The following RPS6KA2 variants were observed in gnomAD, a reference collection of about 807,000 sequenced individuals.
The protein encoded by RPS6KA2 is ribosomal protein S6 kinase A2, also known as ribosomal protein S6 kinase alpha-2.
Under a neutral mutation model 91.8 loss-of-function variants are expected in RPS6KA2, and 42 were observed. The observed-to-expected ratio is 0.46, with a 90% confidence interval of 0.36 to 0.59. The LOEUF is 0.59. RPS6KA2 is among the 20% of genes least tolerant of loss of function. The pLI, the probability that RPS6KA2 is intolerant of heterozygous loss-of-function variation, is 0.00. For synonymous variants in RPS6KA2, 414 were observed against 393.6 expected (o/e 1.05, Z -0.61); for missense variants, 798 against 978.5 (o/e 0.82, Z 2.46).
chr6:166,857,986 C>T, intron 2 of RPS6KA2: 2 of 539,890 alleles, frequency 3.7e-6, no homozygotes, highest in Non-Finnish European at 6.5e-6. Flanking sequence ...TATGCTCCAG[C>T]TATTCTTTTT....
intron 2 of RPS6KA2, among the ~76,000 whole-genome samples, chr6:166,721,234 C>T (rs553883688): frequency 3.3e-5 from 5 of 152,284 alleles, no homozygotes; most frequent in South Asian, 4.1e-4. Context: ...CGGGGGACAT[C>T]GGGGGTGCGA....
intron 2 of RPS6KA2, among the ~76,000 whole-genome samples, chr6:166,811,963 T>C (rs895189216): frequency 5.3e-5 from 8 of 152,254 alleles, no homozygotes; most frequent in African/African-American, 1.7e-4. Flanking sequence ...ATTACGAAGC[T>C]GAACAATAGT....
Position 166,662,188 on chromosome 6 carries a change from C to A in RPS6KA2, c.124-123404G>T, listed in dbSNP as rs1582997127. On this transcript the variant is annotated intron_variant, in intron 2 of 21. Coordinates refer to the RPS6KA2 transcript ENST00000503859. This position sits in a 1 kb window ranked among gnomAD's most constrained non-coding sequence, Gnocchi z 4.3. ...ATGTTATCAAATTATTCTTTTTAATCTTTGAAGATTATCGTAGGTGTTGAA... is the reference window on the plus strand; with the variant it reads ...ATGTTATCAAATTATTCTTTTTAATATTTGAAGATTATCGTAGGTGTTGAA... Among the ~76,000 whole-genome samples, 1 of 152,268 alleles carries A rather than the reference C, an allele frequency of 6.6e-6. No individual in the cohort carries two copies. The highest frequency in any genetic ancestry group is 1.9e-4 in the East Asian group (1 of 5,188).
rs1029542436 is a variant in RPS6KA2, at chr6:166,645,491, C to G, written c.124-106707G>C. Among the ~76,000 whole-genome samples, 12 of 152,324 alleles carry G rather than the reference C, an allele frequency of 7.9e-5. No individual in the cohort carries two copies. The South Asian group carries it at 1.5e-3, about 18-fold the overall frequency. On this transcript the variant is annotated intron_variant, in intron 2 of 21. Transcript: ENST00000503859. ...TGCCAGTCACAAACTCTCCACCTCC[C>G]CTCCTCTCTCTTCAACCTGCTCACC...
At chr6:166,768,302 A>G (rs926535767) in intron 2 of RPS6KA2, among the ~76,000 whole-genome samples, 19 of 152,330 alleles carry the variant, frequency 1.2e-4, no homozygotes, top group Middle Eastern at 3.4e-3. Flanking sequence ...ATTTTTTTAT[A>G]AAGGCAAATA....
chr6:166,650,165 A>G (rs1219963323), intron 2 of RPS6KA2, among the ~76,000 whole-genome samples: 5 of 148,538 alleles, frequency 3.4e-5, no homozygotes, highest in African/African-American at 4.9e-5. Flanking sequence ...AAAAAAAAAA[A>G]GCACAATTAA....
intron 1 of RPS6KA2, among the ~76,000 whole-genome samples, chr6:166,623,818 C>T (rs1477534162): frequency 1.3e-5 from 2 of 152,130 alleles, no homozygotes; most frequent in Middle Eastern, 3.2e-3. Flanking sequence ...ATTATAGTTG[C>T]CAGAGTCAAC....
intron 1 of RPS6KA2, among the ~76,000 whole-genome samples, chr6:166,861,733 G>A (rs1452716420): frequency 6.6e-6 from 1 of 152,142 alleles, no homozygotes; most frequent in Non-Finnish European, 1.5e-5. Context: ...CAAATGGAAG[G>A]CTTCTAATTT....
chr6:166,429,426 TAAAGTA>T (rs958085213), intron 16 of RPS6KA2, among the ~76,000 whole-genome samples: 4 of 151,960 alleles, frequency 2.6e-5, no homozygotes, highest in Admixed American at 1.3e-4. Context: ...ACCTAAAACT[TAAAGTA>T]TAATAATAAT....
At chr6:166,548,556 T>C (rs1218207812) in intron 1 of RPS6KA2, among the ~76,000 whole-genome samples, 1 of 152,232 alleles carries the variant, frequency 6.6e-6, no homozygotes, top group Non-Finnish European at 1.5e-5. Context: ...TACACCCAGC[T>C]GCTTTTGGAA....
chr6:166,828,119 A>T (rs773038156), intron 2 of RPS6KA2, among the ~76,000 whole-genome samples: 1 of 152,144 alleles, frequency 6.6e-6, no homozygotes, highest in Non-Finnish European at 1.5e-5. Flanking sequence ...CATGATGGAG[A>T]CAATTACACC....
chr6:166,642,756 TA>T (rs58161468), intron 2 of RPS6KA2, among the ~76,000 whole-genome samples: 1 of 151,778 alleles, frequency 6.6e-6, no homozygotes, highest in Non-Finnish European at 1.5e-5. Context: ...GCAGGATAAG[TA>T]AAAAAAATAC....
intron 1 of RPS6KA2, among the ~76,000 whole-genome samples, chr6:166,860,044 T>C (rs1781007856): frequency 6.6e-6 from 1 of 152,230 alleles, no homozygotes; most frequent in African/African-American, 2.4e-5. Flanking sequence ...ATGTGAGTTA[T>C]TTTAATACCA....
upstream of RPS6KA2, among the ~76,000 whole-genome samples, chr6:166,630,337 G>A (rs778719592): frequency 6.6e-6 from 1 of 152,236 alleles, no homozygotes; most frequent in African/African-American, 2.4e-5. Context: ...ATGTCTGTTC[G>A]TCTCCAAACA....
intron 2 of RPS6KA2, among the ~76,000 whole-genome samples, chr6:166,703,163 G>C (rs1478600833): frequency 1.3e-5 from 2 of 152,204 alleles, no homozygotes; most frequent in Admixed American, 6.5e-5. Context: ...AGGGGCAGTC[G>C]TGTTTATCAC....
chr6:166,426,491 C>CA (rs1183201137), intron 16 of RPS6KA2, among the ~76,000 whole-genome samples: 1 of 71,492 alleles, frequency 1.4e-5, no homozygotes, highest in Admixed American at 1.8e-4. Context: ...AAAAGCCCTT[C>CA]AAAAAATTAA....
At chr6:166,439,780 G>A (rs1048419707) in intron 14 of RPS6KA2, 2 of 152,256 alleles carry the variant, frequency 1.3e-5, no homozygotes, top group African/African-American at 2.4e-5. Flanking sequence ...ACAGAACTTA[G>A]GAAGCTGTCA....
Position 166,423,260 on chromosome 6 carries a change from G to A in RPS6KA2, c.1739C>T (p.Pro580Leu), listed in dbSNP as rs1554270758. 1.2e-6 allele frequency: 2 copies of A among 1,609,924 alleles called. No homozygotes were observed. Among genetic ancestry groups the A allele is most frequent in the East Asian group, 2.2e-5 (1 of 44,774 alleles). ...TPCYTANFVA[P>L]EVLKRQGYDA... is the part of the protein sequence containing the mutation. ...CTGCAGTCGGGGAATGCTCACCTCC[G>A]GGGCCACGAAATTGGCCGTGTAGCA... Residue 580 changes from proline to leucine, a missense_variant, in exon 17 of 21, where the codon CCG becomes CTG. Transcript: ENST00000265678. This position sits in a 1 kb window ranked among gnomAD's most constrained non-coding sequence, Gnocchi z 4.8.
At position 166,419,253 on chromosome 6, in the gene RPS6KA2, G is replaced by T. The variant is rs187332641; in HGVS notation, c.1820+629C>A. ...TTTAATAAACGTAATAGGAACCAGC[G>T]GATCTTGTAAGATCCTAGACCTTCC... On this transcript the variant is annotated intron_variant, in intron 18 of 20. Transcript: ENST00000265678. The surrounding 1 kb of genome is among the most constrained non-coding windows in gnomAD (Gnocchi z 5.6). Among the ~76,000 whole-genome samples, 1 of 152,302 alleles carries T rather than the reference G, an allele frequency of 6.6e-6. No homozygotes were observed. Among genetic ancestry groups the T allele is most frequent in the African/African-American group, 2.4e-5 (1 of 41,570 alleles).
Sources: allele counts gnomAD v4.1 joint callset (sites outside exome capture counted in the v4.1 genomes callset), GRCh38; gene constraint gnomAD v4.1.1; non-coding constraint Gnocchi (gnomAD v3.1); transcripts MANE v1.5; gene names NCBI Gene and HGNC (gene_info 2026-07-23, HGNC 2026-07-21).